IL18: variants seen among roughly 807,000 people sequenced by gnomAD.
IL18 encodes interleukin 18.
In IL18, 8 loss-of-function variants were observed where a neutral mutation model predicts 14.2. The observed-to-expected ratio is 0.56, with a 90% CI of 0.33 to 1.01. The LOEUF is 1.01. IL18 is among the 50% of genes least tolerant of loss of function. The probability of loss-of-function intolerance (pLI) is 0.03; values close to 1 mark genes in which losing one functional copy is unlikely to be tolerated. For synonymous variants in IL18, 67 were observed against 71.0 expected (o/e 0.94, Z 0.28); for missense variants, 166 against 231.1 (o/e 0.72, Z 1.83).
chr11:112,145,985 G>A (rs1866334952), intron 5 of IL18, among the ~76,000 whole-genome samples: 1 of 150,996 alleles, frequency 6.6e-6, no homozygotes, highest in African/African-American at 2.4e-5. Context: ...AACTTGGAAA[G>A]CCCTACCTGG....
intron 5 of IL18, among the ~76,000 whole-genome samples, chr11:112,148,342 A>C (rs969934394): frequency 1.3e-5 from 2 of 152,188 alleles, no homozygotes; most frequent in Non-Finnish European, 2.9e-5. Context: ...GTCATAAAAC[A>C]AGTGTTGTAT....
chr11:112,143,870 A>G (rs1036495457), intron 5 of IL18, 53 bp from the exon 6 acceptor site: 13 of 1,172,202 alleles, frequency 1.1e-5, no homozygotes, highest in Admixed American at 2.3e-5. Context: ...CAATTTGAAT[A>G]TATGAAGTTT....
rs1224527043 is a variant in IL18 at position 112,164,042 on chromosome 11, A to C, written c.-145T>G. The C allele has an allele frequency of 6.6e-6, 1 of 152,420 alleles. No homozygotes were observed. The highest frequency in any genetic ancestry group is 2.4e-5 in the African/African-American group (1 of 41,456). 9.4% of individuals were successfully genotyped at this position (152,420 alleles called of 1,614,324 possible). A position where few individuals can be genotyped will look rare whatever the true frequency, so the allele number is the denominator to read the frequency against. On this transcript the variant is annotated 5_prime_UTR_variant, in exon 1 of 6. Transcript: ENST00000280357. ...GTTGGCAGCCAGGAGGGCAAAATGC[A>C]CTGGGAGACAATTCCTTGCTGACTG...
chr11:112,144,687 T>C (rs1446440201), intron 5 of IL18, among the ~76,000 whole-genome samples: 4 of 152,282 alleles, frequency 2.6e-5, no homozygotes, highest in African/African-American at 7.2e-5. Flanking sequence ...CCTGGGTTCC[T>C]GTGTAAGCCT....
chr11:112,147,214 G>T (rs1229586266), intron 5 of IL18, among the ~76,000 whole-genome samples: 3 of 152,154 alleles, frequency 2.0e-5, no homozygotes, highest in African/African-American at 7.2e-5. Flanking sequence ...ACAGGTGTGA[G>T]CCACCACGCC....
chr11:112,147,396 T>C (rs1348605832), intron 5 of IL18, among the ~76,000 whole-genome samples: 1 of 152,226 alleles, frequency 6.6e-6, no homozygotes, highest in Admixed American at 6.5e-5. Context: ...CTTATCCCAG[T>C]TTCTGAATCT....
At chr11:112,146,399 C>T (rs1303023720) in intron 5 of IL18, among the ~76,000 whole-genome samples, 1 of 152,178 alleles carries the variant, frequency 6.6e-6, no homozygotes, top group Non-Finnish European at 1.5e-5. Context: ...CAGCTCACTG[C>T]AGCCTACACC....
At chr11:112,150,326 G>T in intron 3 of IL18, 120 bp from the exon 4 acceptor site, 1 of 674,510 alleles carries the variant, frequency 1.5e-6, no homozygotes, top group Non-Finnish European at 2.5e-6. Context: ...TCCAGAAGTA[G>T]CTACAATAAA....
intron 3 of IL18, chr11:112,151,111 A>G (rs1249197880): frequency 6.6e-6 from 1 of 152,238 alleles, no homozygotes; most frequent in African/African-American, 2.4e-5. Context: ...ACATTTTTGT[A>G]CAGGAATGCT....
intron 1 of IL18, among the ~76,000 whole-genome samples, chr11:112,163,428 T>C (rs1311191501): frequency 9.9e-5 from 15 of 152,242 alleles, no homozygotes; most frequent in Admixed American, 9.8e-4. Context: ...ATTTGTCTTT[T>C]TCACTCATTC....
rs1043843985 is a variant in IL18 at position 112,148,572 on chromosome 11, T to C, written c.360+31A>G. The stretch of plus-strand genomic sequence containing the variant: ...TCTAATTATATTAATTATATTAACA[T>C]GATTGAAAACAAAGTAAGGCTCAGT... On this transcript the variant is annotated intron_variant, in intron 5 of 5. Coordinates refer to ENST00000280357, the MANE Select transcript of IL18 (RefSeq NM_001562.4). 2.6e-6 allele frequency: 3 copies of C among 1,166,030 alleles called. No individual in the cohort carries two copies. In the African/African-American group the frequency reaches 4.9e-5, roughly 19 times the overall value. The allele number at this position is 1,166,030 out of a possible 1,614,324, so 72.2% of individuals were successfully genotyped here. A position where few individuals can be genotyped will look rare whatever the true frequency, so the allele number is the denominator to read the frequency against.
Position 112,143,552 on chromosome 11 carries a change from G to C in IL18, c.*44C>G, listed in dbSNP as rs1302627470. 7.4e-7 allele frequency: 1 copy of C among 1,348,382 alleles called. No individual in the cohort carries two copies. Among genetic ancestry groups the C allele is most frequent in the African/African-American group, 1.4e-5 (1 of 70,010 alleles). 83.5% of individuals were successfully genotyped at this position (1,348,382 alleles called of 1,614,324 possible). ...CCGCCTCAGCCTCCCAAAGGGCTGG[G>C]ATTACAGGCGTGAGCCACTGCGCCC... On this transcript the variant is annotated 3_prime_UTR_variant, in exon 6 of 6. Transcript: ENST00000280357.
At chr11:112,149,151 T>G (rs906005499) in intron 4 of IL18, among the ~76,000 whole-genome samples, 7 of 151,646 alleles carry the variant, frequency 4.6e-5, no homozygotes, top group African/African-American at 1.5e-4. Context: ...ATTAGCCGGG[T>G]GTAAGTGGTG....
intron 4 of IL18, among the ~76,000 whole-genome samples, chr11:112,149,162 C>T (rs1288686689): frequency 6.6e-6 from 1 of 152,024 alleles, no homozygotes; most frequent in Non-Finnish European, 1.5e-5. Flanking sequence ...GTAAGTGGTG[C>T]ATGCCTGTAA....
intron 1 of IL18, among the ~76,000 whole-genome samples, chr11:112,162,831 T>C (rs1181753027): frequency 1.3e-5 from 2 of 152,206 alleles, no homozygotes. Context: ...GTTTGTTTTT[T>C]TGAGAAAGTC....
At chr11:112,145,956 A>G (rs753897107) in intron 5 of IL18, among the ~76,000 whole-genome samples, 54 of 151,972 alleles carry the variant, frequency 3.6e-4, no homozygotes, top group Non-Finnish European at 6.6e-4. Flanking sequence ...AGCAATCCCA[A>G]TGACCTTGGA....
Position 112,163,964 on chromosome 11 carries a change from T to G in IL18, c.-67A>C, listed in dbSNP as rs1213642360. On this transcript the variant is annotated 5_prime_UTR_variant, in exon 1 of 6. Coordinates refer to ENST00000280357, the MANE Select transcript of IL18 (RefSeq NM_001562.4). ...TCTGGAAGGTCTGAGGTTCCTTTCCTCTTCCCGAAGCTGTGTAGACTGCAG... is the reference window on the plus strand; with the variant it reads ...TCTGGAAGGTCTGAGGTTCCTTTCCGCTTCCCGAAGCTGTGTAGACTGCAG... The G allele has an allele frequency of 6.6e-6, 1 of 152,388 alleles. No individual in the cohort carries two copies. The highest frequency in any genetic ancestry group is 1.5e-5 in the Non-Finnish European group (1 of 68,042). The allele number at this position is 152,388 out of a possible 1,614,324, so 9.4% of individuals were successfully genotyped here.
At chr11:112,156,629 G>C (rs1190288502) in intron 1 of IL18, among the ~76,000 whole-genome samples, 10 of 151,982 alleles carry the variant, frequency 6.6e-5, no homozygotes, top group Non-Finnish European at 1.3e-4. Flanking sequence ...ATGTTTGGTA[G>C]AGACAGGGTT....
At chr11:112,148,118 G>A (rs1174560475) in intron 5 of IL18, among the ~76,000 whole-genome samples, 2 of 152,176 alleles carry the variant, frequency 1.3e-5, no homozygotes, top group East Asian at 3.8e-4. Context: ...GCTGAAGCTT[G>A]TGTCTAAGAC....
Sources: gnomAD v4.1 joint callset for allele counts (sites outside exome capture counted in the v4.1 genomes callset) on GRCh38, gnomAD v4.1.1 for gene constraint, MANE v1.5 for transcripts, NCBI Gene and HGNC (gene_info 2026-07-23, HGNC 2026-07-21) for gene names.